Variants in HIP1 observed in about 807,000 individuals in gnomAD.
HIP1 encodes the protein huntingtin-interacting protein 1.
Under a neutral mutation model 147.6 loss-of-function variants are expected in HIP1, and 65 were observed. The observed-to-expected ratio is 0.44, with a 90% CI of 0.36 to 0.54. The LOEUF (loss-of-function observed/expected upper bound fraction) is 0.54. HIP1 is among the 20% of genes least tolerant of loss of function. The pLI, the probability that HIP1 is intolerant of heterozygous loss-of-function variation, is 0.00. For synonymous variants in HIP1, 479 were observed against 504.0 expected (o/e 0.95, Z 0.67); for missense variants, 1,061 against 1,299.6 (o/e 0.82, Z 2.82).
chr7:75,707,651 A>G (rs113840946), intron 1 of HIP1, among the ~76,000 whole-genome samples: 13,523 of 150,360 alleles, frequency 0.09, 1,175 homozygotes, highest in African/African-American at 0.2. Context: ...AGTCAATCCT[A>G]AGCCAAAAGA....
chr7:75,610,798 T>C (rs1160948076), intron 1 of HIP1, among the ~76,000 whole-genome samples: 1 of 149,790 alleles, frequency 6.7e-6, no homozygotes, highest in Non-Finnish European at 1.5e-5. Flanking sequence ...AGACCAGGAG[T>C]TCAAGACCAG....
chr7:75,640,532 G>T (rs2117159921), intron 1 of HIP1, among the ~76,000 whole-genome samples: 1 of 152,108 alleles, frequency 6.6e-6, no homozygotes, highest in East Asian at 1.9e-4. Flanking sequence ...CAGGCAGATT[G>T]CTTGAGGCCA....
chr7:75,580,605 T>C lies in HIP1; in HGVS notation c.604+632A>G, dbSNP rs375228418. ...AATATAAAAAATCAGCCAGATGTGG[T>C]GGTGCGTGCCTGTAGTCCCAGCTAC... On this transcript the variant is annotated intron_variant, in intron 7 of 30. Transcript: ENST00000336926. Among the ~76,000 whole-genome samples, 3 of 152,188 alleles carry C rather than the reference T, an allele frequency of 2.0e-5. No individual in the cohort carries two copies. In the South Asian group the frequency reaches 6.2e-4, roughly 32 times the overall value.
At chr7:75,687,007 A>AAAAGGAAATTTGTTTTCTTT (rs1800283765) in intron 1 of HIP1, among the ~76,000 whole-genome samples, 1 of 152,052 alleles carries the variant, frequency 6.6e-6, no homozygotes, top group Non-Finnish European at 1.5e-5. Context: ...CTATGTGTCT[A>AAAAGGAAATTTGTTTTCTTT]AAAGGAAATT....
chr7:75,655,757 T>A lies in HIP1; in HGVS notation c.121-56510A>T, dbSNP rs192373734. Among the ~76,000 whole-genome samples the A allele has an allele frequency of 3.9e-5, 6 of 152,228 alleles. 1 individual carries two copies. The East Asian group carries it at 9.7e-4, about 25-fold the overall frequency. On this transcript the variant is annotated intron_variant, in intron 1 of 30. Transcript: ENST00000336926. Reference sequence around the variant, plus strand: ...AGTTTCTGTTCGGGGTGATGAAATATTATGGAAATAGCAGTGATTGTTGTA... The same window carrying A: ...AGTTTCTGTTCGGGGTGATGAAATAATATGGAAATAGCAGTGATTGTTGTA...
chr7:75,695,934 A>G (rs1563298967), intron 1 of HIP1, among the ~76,000 whole-genome samples: 1 of 151,440 alleles, frequency 6.6e-6, no homozygotes, highest in Non-Finnish European at 1.5e-5. Flanking sequence ...TGCCTCCAGT[A>G]TGATGTCTCC....
intron 1 of HIP1, among the ~76,000 whole-genome samples, chr7:75,713,553 G>A (rs1314073126): frequency 2.6e-5 from 4 of 152,138 alleles, no homozygotes; most frequent in East Asian, 1.9e-4. Flanking sequence ...CTGATGCAAC[G>A]CGGGCTATTC....
At chr7:75,588,085 G>C (rs1796349472) in intron 4 of HIP1, among the ~76,000 whole-genome samples, 1 of 152,168 alleles carries the variant, frequency 6.6e-6, no homozygotes, top group South Asian at 2.1e-4. Context: ...TCCTCCCTAA[G>C]GACTATGAAG....
intron 1 of HIP1, among the ~76,000 whole-genome samples, chr7:75,651,450 CTCCA>C (rs1554511937): frequency 3.0e-5 from 3 of 99,016 alleles, no homozygotes; most frequent in Non-Finnish European, 5.4e-5. Flanking sequence ...CAGAGTGAGA[CTCCA>C]TATCTCAAAA....
intron 14 of HIP1, 117 bp downstream of exon 14, chr7:75,559,615 C>T: frequency 1.2e-6 from 1 of 851,348 alleles, no homozygotes; most frequent in Non-Finnish European, 1.8e-6. Context: ...CTAGCTGTTT[C>T]TAGAAAGACA....
chr7:75,671,137 A>G (rs1799719996), intron 1 of HIP1, among the ~76,000 whole-genome samples: 1 of 152,112 alleles, frequency 6.6e-6, no homozygotes, highest in Non-Finnish European at 1.5e-5. Context: ...CTTGTTGCCC[A>G]GGCTGGAGGG....
At chr7:75,636,607 G>A (rs2117144398) in intron 1 of HIP1, among the ~76,000 whole-genome samples, 1 of 152,336 alleles carries the variant, frequency 6.6e-6, no homozygotes, top group Non-Finnish European at 1.5e-5. Flanking sequence ...ATTCCCCAGG[G>A]TGGGTAAGGT....
At position 75,556,743 on chromosome 7, in the gene HIP1, C is replaced by A; in HGVS notation, c.1650G>T (p.Gln550His). ...AAGTTTCCAGGCTGCCTTGCAGAAC[C>A]TGAAGCTCCCGTTGGCTTGTGGCAA... ...QELATSQREL[Q>H]VLQGSLETSA... The change falls in exon 17 of 31, where the codon CAG (glutamine) becomes CAT (histidine). Residue 550 changes from glutamine (Q) to histidine (H), a missense_variant. Physicochemically the swap from Gln to His is conservative, Grantham distance 24. Coordinates refer to ENST00000336926, the MANE Select transcript of HIP1 (RefSeq NM_005338.7). The A allele has an allele frequency of 6.2e-7, 1 of 1,613,490 alleles. No individual in the cohort carries two copies. Among genetic ancestry groups the A allele is most frequent in the Non-Finnish European group, 8.5e-7 (1 of 1,179,558 alleles).
At position 75,723,691 on chromosome 7, in the gene HIP1, T is replaced by C. The variant is rs536155767; in HGVS notation, c.120+15110A>G. ...ACCCTTCTCATGCTGGGAAACTCCC[T>C]TGTGCTTGTAGCTAGAGAAGTTACT... is the stretch of plus-strand genomic sequence containing the variant. On this transcript the variant is annotated intron_variant, in intron 1 of 30. Transcript: ENST00000336926. Among the ~76,000 whole-genome samples, 9 of 152,206 alleles carry C rather than the reference T, an allele frequency of 5.9e-5. No individual in the cohort carries two copies. The South Asian group carries it at 1.9e-3, about 32-fold the overall frequency.
chr7:75,693,914 C>CTTT (rs782517231), intron 1 of HIP1, among the ~76,000 whole-genome samples: 3 of 105,682 alleles, frequency 2.8e-5, no homozygotes, highest in African/African-American at 8.6e-5. Flanking sequence ...ATCCAATTCT[C>CTTT]TTTTCTTTTT....
rs1402785186 is a variant in HIP1 at position 75,569,551 on chromosome 7, G to A, written c.746-1295C>T. Among the ~76,000 whole-genome samples the A allele has an allele frequency of 2.0e-5, 3 of 152,142 alleles. No homozygotes were observed. The South Asian group carries it at 6.2e-4, about 31-fold the overall frequency. On this transcript the variant is annotated intron_variant, in intron 8 of 30. Coordinates refer to ENST00000336926, the MANE Select transcript of HIP1 (RefSeq NM_005338.7). ...TTAAGCCCAGGAGTTTGAGGCTGCAGTGAGCTACAATCGCACCACTGCACT... is the reference window on the plus strand; with the variant it reads ...TTAAGCCCAGGAGTTTGAGGCTGCAATGAGCTACAATCGCACCACTGCACT...
At chr7:75,603,831 C>T (rs1554503419) in intron 1 of HIP1, among the ~76,000 whole-genome samples, 1 of 151,592 alleles carries the variant, frequency 6.6e-6, no homozygotes. Context: ...CGTGATCGCC[C>T]CCACTGCATT....
chr7:75,580,609 G>A (rs781820143), intron 7 of HIP1, among the ~76,000 whole-genome samples: 3 of 152,116 alleles, frequency 2.0e-5, no homozygotes, highest in Non-Finnish European at 4.4e-5. Context: ...ATGTGGTGGT[G>A]CGTGCCTGTA....
intron 1 of HIP1, among the ~76,000 whole-genome samples, chr7:75,653,125 G>A (rs896509580): frequency 6.6e-6 from 1 of 151,688 alleles, no homozygotes; most frequent in Non-Finnish European, 1.5e-5. Flanking sequence ...TAGGATATGT[G>A]ATTTGGGTAA....
Sources: allele counts gnomAD v4.1 joint callset (sites outside exome capture counted in the v4.1 genomes callset), GRCh38; gene constraint gnomAD v4.1.1; transcripts MANE v1.5; gene names NCBI Gene and HGNC (gene_info 2026-07-23, HGNC 2026-07-21).